Variants in XG observed in about 807,000 individuals in gnomAD.
The protein encoded by XG is Xg glycoprotein (Xg blood group), also known as glycoprotein Xg.
In XG, 24 loss-of-function variants were observed where a neutral mutation model predicts 25.7. The observed-to-expected ratio is 0.93, with a 90% confidence interval of 0.68 to 1.31. The LOEUF (loss-of-function observed/expected upper bound fraction) is 1.31. Among genes scored for constraint, XG ranks in the 40% most tolerant of loss-of-function variants. XG has a pLI of 0.00. For synonymous variants in XG, 77 were observed against 69.2 expected (o/e 1.11, Z -0.56); for missense variants, 181 against 187.6 (o/e 0.96, Z 0.21).
chrX:2,799,688 T>C (rs1270755450), intron 7 of XG, among the ~76,000 whole-genome samples: 5 of 111,274 alleles, frequency 4.5e-5, no homozygotes, highest in Non-Finnish European at 9.4e-5. Context: ...GGATTTTCCT[T>C]GTGGGCAAAA....
intron 3 of XG, among the ~76,000 whole-genome samples, chrX:2,777,563 C>CA (rs1569463227): frequency 6.6e-6 from 1 of 151,654 alleles, no homozygotes; most frequent in African/African-American, 2.4e-5. Context: ...ACTGCACTTC[C>CA]GCCTGGGTGG....
At chrX:2,789,588 T>C (rs2086817224) in intron 4 of XG, 56 bp from the exon 5 acceptor site, 3 of 793,084 alleles carry the variant, frequency 3.8e-6, no homozygotes, top group African/African-American at 2.1e-5. Flanking sequence ...TTATAGATGG[T>C]ATCTACCTGA....
intron 7 of XG, among the ~76,000 whole-genome samples, chrX:2,801,754 G>A (rs1468213215): frequency 9.0e-6 from 1 of 110,763 alleles, no homozygotes; most frequent in Non-Finnish European, 1.9e-5. Flanking sequence ...TGTCGCCCAG[G>A]CTGGAGTGCA....
In XG at chrX:2,811,500, A is replaced by T. The variant is rs754618547; in HGVS notation, c.571+48A>T. The T allele has an allele frequency of 1.7e-5, 14 of 825,669 alleles. No homozygotes were observed. The East Asian group carries it at 2.8e-4, about 17-fold the overall frequency. The allele number at this position is 825,669 out of a possible 1,213,427, so 68.0% of individuals were successfully genotyped here. On this transcript the variant is annotated intron_variant, in intron 10 of 10. Coordinates refer to ENST00000644266, the MANE Select transcript of XG (RefSeq NM_001141919.2). ...TTTTGCTTGTTACTAAGCCTGATTT[A>T]AAAAAAAAAATTACTTTCAGATGTC...
At chrX:2,761,260 C>A (rs1274618890) in intron 1 of XG, among the ~76,000 whole-genome samples, 4 of 152,096 alleles carry the variant, frequency 2.6e-5, no homozygotes, top group Admixed American at 6.6e-5. Context: ...GATAAGGACA[C>A]AGACACACAC....
chrX:2,760,734 C>CAAA (rs60707389), intron 1 of XG, among the ~76,000 whole-genome samples: 2 of 67,816 alleles, frequency 2.9e-5, no homozygotes, highest in Non-Finnish European at 2.7e-5. Context: ...GGCTCTGTCT[C>CAAA]AAAAAAAAAA....
intron 3 of XG, chrX:2,774,988 G>C: frequency 1.8e-6 from 1 of 559,690 alleles, no homozygotes; most frequent in Non-Finnish European, 3.2e-6. Context: ...TGTTGGCAAG[G>C]ATGTGATGAA....
intron 3 of XG, among the ~76,000 whole-genome samples, chrX:2,779,762 T>C (rs2051078880): frequency 1.3e-5 from 2 of 152,150 alleles, no homozygotes; most frequent in African/African-American, 4.8e-5. Flanking sequence ...TTCTCCTGAC[T>C]CAACCTCCCA....
At chrX:2,800,005 C>T (rs2086920267) in intron 7 of XG, among the ~76,000 whole-genome samples, 1 of 111,606 alleles carries the variant, frequency 9.0e-6, no homozygotes, top group Admixed American at 9.6e-5. Context: ...ATATGGGCCA[C>T]ATTGTATATG....
intron 4 of XG, among the ~76,000 whole-genome samples, chrX:2,787,258 A>G (rs1391552676): frequency 3.0e-5 from 3 of 100,498 alleles, no homozygotes; most frequent in Admixed American, 2.1e-4. Flanking sequence ...TCATAAGAAG[A>G]GGAGATGAGG....
In XG at chrX:2,758,952, C is replaced by T. The variant is rs369479462; in HGVS notation, c.61+6617C>T. Among the ~76,000 whole-genome samples, 256 of 28,518 alleles carry T rather than the reference C, an allele frequency of 9.0e-3. 1 individual carries two copies. Among genetic ancestry groups the T allele is most frequent in the South Asian group, 0.05 (46 of 920 alleles). The allele number at this position is 28,518 out of a possible 152,430, so 18.7% of individuals were successfully genotyped here. A position where few individuals can be genotyped will look rare whatever the true frequency, so the allele number is the denominator to read the frequency against. ...TGATTTTCTGTCATCTATTATCTATCTATTTATCTATCTTTCTACCTACTT... is the reference window on the plus strand; with the variant it reads ...TGATTTTCTGTCATCTATTATCTATTTATTTATCTATCTTTCTACCTACTT... On this transcript the variant is annotated intron_variant, in intron 1 of 10. Coordinates refer to ENST00000644266, the MANE Select transcript of XG (RefSeq NM_001141919.2).
chrX:2,776,121 A>C (rs1375763816), intron 3 of XG, among the ~76,000 whole-genome samples: 4 of 133,804 alleles, frequency 3.0e-5, no homozygotes, highest in Non-Finnish European at 6.8e-5. Flanking sequence ...GTTGTACCTG[A>C]GCGAGTTAGA....
At chrX:2,760,181 G>GA (rs200393385) in intron 1 of XG, among the ~76,000 whole-genome samples, 47 of 149,588 alleles carry the variant, frequency 3.1e-4, no homozygotes, top group African/African-American at 1.0e-3. Flanking sequence ...CTCTGTCTCA[G>GA]AAAAAAAAAA....
At chrX:2,812,671 C>T (rs61707085) in intron 10 of XG, among the ~76,000 whole-genome samples, 4 of 111,941 alleles carry the variant, frequency 3.6e-5, no homozygotes, top group East Asian at 2.8e-4. Flanking sequence ...GTCTACATTA[C>T]GCCCCGTCCT....
In XG at chrX:2,752,112, A is replaced by G. The variant is rs1316238119; in HGVS notation, c.-163A>G. 3 of 1,243,796 alleles carry G rather than the reference A, an allele frequency of 2.4e-6. No individual in the cohort carries two copies. Among genetic ancestry groups the G allele is most frequent in the Non-Finnish European group, 3.3e-6 (3 of 896,594 alleles). The allele number at this position is 1,243,796 out of a possible 1,614,324, so 77.0% of individuals were successfully genotyped here. ...AGTTTGGGATCTGAGCTTGGAGCCC[A>G]TTTGTTTCTGGCAGTTCCGCTCATA... On this transcript the variant is annotated 5_prime_UTR_variant, in exon 1 of 11. Coordinates refer to ENST00000644266, the MANE Select transcript of XG (RefSeq NM_001141919.2).
chrX:2,784,078 CT>C (rs2086760658), intron 4 of XG, among the ~76,000 whole-genome samples: 1 of 111,724 alleles, frequency 9.0e-6, no homozygotes, highest in East Asian at 2.8e-4. Context: ...TTTTTTCCCC[CT>C]CTTTCATGAT....
intron 2 of XG, among the ~76,000 whole-genome samples, chrX:2,773,302 G>A (rs776229920): frequency 7.0e-6 from 1 of 141,862 alleles, no homozygotes; most frequent in Non-Finnish European, 1.5e-5. Flanking sequence ...GAATGAAGGA[G>A]GAAGGGAAGA....
chrX:2,782,456 T>C (rs1462429276), intron 4 of XG, among the ~76,000 whole-genome samples: 1 of 111,715 alleles, frequency 9.0e-6, no homozygotes, highest in African/African-American at 3.3e-5. Context: ...GAGCCGGCTC[T>C]AAGGGAGGCT....
intron 5 of XG, among the ~76,000 whole-genome samples, chrX:2,791,860 C>T (rs770306133): frequency 1.0e-4 from 11 of 110,312 alleles, no homozygotes; most frequent in Non-Finnish European, 2.1e-4. Flanking sequence ...GGGTGTATAG[C>T]TTCAACTCCA....
Sources: allele counts gnomAD v4.1 joint callset (sites outside exome capture counted in the v4.1 genomes callset), GRCh38; gene constraint gnomAD v4.1.1; transcripts MANE v1.5; gene names NCBI Gene and HGNC (gene_info 2026-07-23, HGNC 2026-07-21).